RB1: variants seen among roughly 807,000 people sequenced by gnomAD.
The protein encoded by RB1 is retinoblastoma-associated protein.
Under a neutral mutation model 135.4 loss-of-function variants are expected in RB1, and 18 were observed. The ratio of observed to expected loss-of-function variants is 0.13; its 90% CI spans 0.09 to 0.20. The LOEUF (loss-of-function observed/expected upper bound fraction) is 0.20. Among genes scored for constraint, RB1 ranks in the 10% least tolerant of loss-of-function variants. The pLI, the probability that RB1 is intolerant of heterozygous loss-of-function variation, is 1.00. For synonymous variants in RB1, 365 were observed against 373.2 expected (o/e 0.98, Z 0.25); for missense variants, 868 against 1,110.0 (o/e 0.78, Z 3.10).
chr13:48,473,291 T>G, intron 23 of RB1, 69 bp from the exon 24 acceptor site: 1 of 1,262,566 alleles, frequency 7.9e-7, no homozygotes, highest in South Asian at 1.2e-5. Flanking sequence ...AATGATGTAT[T>G]TATGCTCATC....
intron 17 of RB1, among the ~76,000 whole-genome samples, chr13:48,393,412 A>T (rs1948625455): frequency 6.6e-6 from 1 of 152,192 alleles, no homozygotes; most frequent in Non-Finnish European, 1.5e-5. Flanking sequence ...CCAGGCAGTA[A>T]GCTGTGGCAA....
intron 26 of RB1, among the ~76,000 whole-genome samples, chr13:48,477,962 C>T (rs1373669861): frequency 1.3e-5 from 2 of 152,088 alleles, no homozygotes; most frequent in Non-Finnish European, 2.9e-5. Context: ...TTCAAAACTA[C>T]TCTGAGACTA....
At position 48,380,146 on chromosome 13, in the gene RB1, C is replaced by CT. The variant is rs747048469; in HGVS notation, c.1422-8dup. On this transcript the variant is annotated intron_variant, in intron 15 of 26. Coordinates refer to ENST00000267163, the MANE Select transcript of RB1 (RefSeq NM_000321.3). ...TTTATAGAAGTAAGTATTTTATAAT[C>CT]TTTTTTTTTTTCCTTTAGCAAACTT... is the stretch of plus-strand genomic sequence containing the variant. 16,668 of 1,061,718 alleles carry CT rather than the reference C, an allele frequency of 0.016. No individual in the cohort carries two copies. The highest frequency in any genetic ancestry group is 0.017 in the Non-Finnish European group (13,059 of 776,468). The allele number at this position is 1,061,718 out of a possible 1,614,324, so 65.8% of individuals were successfully genotyped here.
At chr13:48,364,432 C>A (rs374238931) in intron 8 of RB1, among the ~76,000 whole-genome samples, 1 of 152,154 alleles carries the variant, frequency 6.6e-6, no homozygotes, top group South Asian at 2.1e-4. Flanking sequence ...TGTCTTCTTA[C>A]AATTTTCCTA....
Position 48,307,646 on chromosome 13 carries a change from G to T in RB1, c.264+240G>T, listed in dbSNP as rs1952094056. Among the ~76,000 whole-genome samples, 2 of 150,488 alleles carry T rather than the reference G, an allele frequency of 1.3e-5. 1 individual carries two copies. ...GAGGCAGGTGGATTGCCTGAGCTCA[G>T]GAGTTCGAGACCAGCCTGGGCAACA... On this transcript the variant is annotated intron_variant, in intron 2 of 26. Coordinates refer to ENST00000267163, the MANE Select transcript of RB1 (RefSeq NM_000321.3).
chr13:48,478,450 C>T (rs894468122), intron 26 of RB1, among the ~76,000 whole-genome samples: 3 of 152,114 alleles, frequency 2.0e-5, no homozygotes, highest in Admixed American at 6.5e-5. Flanking sequence ...TGAAAATAGA[C>T]AAGAGGCTCA....
At chr13:48,309,453 T>C (rs1952113302) in intron 2 of RB1, among the ~76,000 whole-genome samples, 2 of 152,210 alleles carry the variant, frequency 1.3e-5, no homozygotes, top group East Asian at 1.9e-4. Context: ...CTCACATTTC[T>C]TATGTAAAAA....
intron 17 of RB1, among the ~76,000 whole-genome samples, chr13:48,451,399 T>C (rs1949326300): frequency 6.6e-6 from 1 of 152,212 alleles, no homozygotes; most frequent in African/African-American, 2.4e-5. Flanking sequence ...TGTCTTTAAT[T>C]CTGTTTATGT....
At chr13:48,417,280 A>G (rs1948927850) in intron 17 of RB1, 1 of 152,960 alleles carries the variant, frequency 6.5e-6, no homozygotes, top group Non-Finnish European at 1.5e-5. Context: ...ATATCCAGAC[A>G]AACAGGGTCT....
intron 17 of RB1, among the ~76,000 whole-genome samples, chr13:48,437,415 G>A (rs1360059090): frequency 6.6e-6 from 1 of 152,176 alleles, no homozygotes; most frequent in Non-Finnish European, 1.5e-5. Context: ...TTATCTGTTA[G>A]AACAACTAAC....
chr13:48,423,416 C>A (rs1007265396), intron 17 of RB1, among the ~76,000 whole-genome samples: 1 of 152,092 alleles, frequency 6.6e-6, no homozygotes, highest in Non-Finnish European at 1.5e-5. Flanking sequence ...ACCTTACACT[C>A]TTTATGTTTA....
intron 2 of RB1, among the ~76,000 whole-genome samples, chr13:48,338,681 T>G (rs1426254286): frequency 1.3e-5 from 2 of 152,262 alleles, no homozygotes; most frequent in Admixed American, 1.3e-4. Context: ...TTTCAAATCG[T>G]CAAAGTCATT....
chr13:48,377,354 T>C (rs1952838226), intron 13 of RB1, among the ~76,000 whole-genome samples: 1 of 152,230 alleles, frequency 6.6e-6, no homozygotes, highest in African/African-American at 2.4e-5. Flanking sequence ...TGACTGTTCA[T>C]GTATGCATAT....
chr13:48,318,484 T>C, intron 2 of RB1: 3 of 1,232,512 alleles, frequency 2.4e-6, no homozygotes, highest in East Asian at 2.4e-5. Flanking sequence ...ACCTCGTCTG[T>C]CTTACCCTGG....
At chr13:48,452,918 A>G in intron 17 of RB1, 75 bp from the exon 18 acceptor site, 3 of 1,594,174 alleles carry the variant, frequency 1.9e-6, no homozygotes, top group Non-Finnish European at 2.6e-6. Flanking sequence ...ACCATGTCAA[A>G]CAATATGATT....
At chr13:48,436,541 G>A (rs1286620972) in intron 17 of RB1, among the ~76,000 whole-genome samples, 2 of 152,086 alleles carry the variant, frequency 1.3e-5, no homozygotes, top group South Asian at 2.1e-4. Context: ...TACTCGGGAG[G>A]CTGAGGCAGG....
chr13:48,316,707 A>G (rs936941473), intron 2 of RB1, among the ~76,000 whole-genome samples: 8 of 137,226 alleles, frequency 5.8e-5, no homozygotes, highest in African/African-American at 1.9e-4. Flanking sequence ...CCTCCCTGCA[A>G]CCACAGAACC....
At chr13:48,347,707 A>G (rs997349864) in intron 4 of RB1, 118 bp from the exon 5 acceptor site, 2 of 677,532 alleles carry the variant, frequency 3.0e-6, no homozygotes, top group Non-Finnish European at 5.1e-6. Flanking sequence ...ATAATGCTAT[A>G]TATTTTTTGT....
chr13:48,317,484 G>A, intron 2 of RB1: 2 of 441,342 alleles, frequency 4.5e-6, no homozygotes, highest in Admixed American at 3.7e-5. Flanking sequence ...GGAAGCCCCG[G>A]CTCCCGCAGC....
Sources: allele counts gnomAD v4.1 joint callset (sites outside exome capture counted in the v4.1 genomes callset), GRCh38; gene constraint gnomAD v4.1.1; transcripts MANE v1.5; gene names NCBI Gene and HGNC (gene_info 2026-07-23, HGNC 2026-07-21).